The following SCN3A variants were observed in gnomAD, a reference collection of about 807,000 sequenced individuals.
SCN3A encodes the protein sodium voltage-gated channel alpha subunit 3, also known as sodium channel protein type 3 subunit alpha.
SCN3A carries 60 observed loss-of-function variants against 187.6 expected under a neutral mutation model. The observed-to-expected ratio is 0.32, with a 90% CI of 0.26 to 0.40. SCN3A has a LOEUF of 0.40. SCN3A is among the 10% of genes least tolerant of loss of function. The pLI is 1.00. For synonymous variants in SCN3A, 788 were observed against 829.2 expected (o/e 0.95, Z 0.85); for missense variants, 1,601 against 2,428.2 (o/e 0.66, Z 7.16).
intron 12 of SCN3A, among the ~76,000 whole-genome samples, chr2:165,146,475 ATATATAT>A (rs1288212076): frequency 6.8e-6 from 1 of 148,134 alleles, no homozygotes; most frequent in African/African-American, 2.5e-5. Flanking sequence ...GGTTATATCA[ATATATAT>A]TATATATATC....
intron 21 of SCN3A, among the ~76,000 whole-genome samples, chr2:165,103,930 C>T (rs962037116): frequency 2.6e-5 from 4 of 152,000 alleles, no homozygotes; most frequent in Admixed American, 2.0e-4. Flanking sequence ...CCATCAACAA[C>T]ATTATTATTT....
chr2:165,159,791 C>T (rs1689250707), intron 9 of SCN3A, among the ~76,000 whole-genome samples: 1 of 133,532 alleles, frequency 7.5e-6, no homozygotes, highest in African/African-American at 3.1e-5. Context: ...TAATAAAATA[C>T]AAATCATTTA....
intron 25 of SCN3A, 89 bp from the exon 26 acceptor site, chr2:165,094,567 T>G (rs1452831926): frequency 1.2e-6 from 1 of 860,718 alleles, no homozygotes; most frequent in Non-Finnish European, 1.9e-6. Flanking sequence ...TCTTTTCTAA[T>G]TTTTAAGTGG....
intron 1 of SCN3A, among the ~76,000 whole-genome samples, chr2:165,191,898 T>C (rs1436765601): frequency 6.6e-6 from 1 of 152,138 alleles, no homozygotes; most frequent in Non-Finnish European, 1.5e-5. Flanking sequence ...CAATGAATTA[T>C]TTAATTTTGG....
intron 5 of SCN3A, among the ~76,000 whole-genome samples, chr2:165,167,326 G>A (rs1399617378): frequency 6.6e-6 from 1 of 151,910 alleles, no homozygotes; most frequent in African/African-American, 2.4e-5. Flanking sequence ...ATGGGAGCTG[G>A]ATTCTCTATT....
chr2:165,124,795 C>T (rs1158059173), intron 18 of SCN3A, among the ~76,000 whole-genome samples: 2 of 152,140 alleles, frequency 1.3e-5, no homozygotes, highest in Non-Finnish European at 2.9e-5. Flanking sequence ...ATTCTCATTA[C>T]TTATTGCCCT....
At chr2:165,161,561 TTTAAAGGA>T (rs1378983489) in intron 9 of SCN3A, among the ~76,000 whole-genome samples, 2 of 152,212 alleles carry the variant, frequency 1.3e-5, no homozygotes, top group Non-Finnish European at 2.9e-5. Flanking sequence ...AGTTTCCCTT[TTTAAAGGA>T]TGACTCAAAA....
intron 11 of SCN3A, among the ~76,000 whole-genome samples, chr2:165,150,454 G>A (rs1688626261): frequency 6.6e-6 from 1 of 152,156 alleles, no homozygotes; most frequent in South Asian, 2.1e-4. Flanking sequence ...TACTTGTGTT[G>A]TCAATAAGGA....
At chr2:165,106,798 A>G (rs1407368355) in intron 21 of SCN3A, among the ~76,000 whole-genome samples, 1 of 152,184 alleles carries the variant, frequency 6.6e-6, no homozygotes, top group Non-Finnish European at 1.5e-5. Flanking sequence ...GGAGGCCTTT[A>G]AGAAGAAAAA....
chr2:165,181,003 G>A (rs912976885), intron 2 of SCN3A, among the ~76,000 whole-genome samples: 7 of 152,020 alleles, frequency 4.6e-5, no homozygotes. Context: ...CTAATAATAA[G>A]CACTTGTATG....
intron 15 of SCN3A, among the ~76,000 whole-genome samples, chr2:165,136,349 C>A (rs79859282): frequency 0.063 from 9,564 of 152,104 alleles, 463 homozygotes; most frequent in Non-Finnish European, 0.095. Context: ...AAATATTTTC[C>A]ATCATTATTT....
intron 2 of SCN3A, among the ~76,000 whole-genome samples, chr2:165,184,607 T>C (rs1013937650): frequency 1.3e-5 from 2 of 151,936 alleles, no homozygotes; most frequent in South Asian, 2.1e-4. Flanking sequence ...GAGGTTACTA[T>C]GTATAAAGCC....
Position 165,090,624 on chromosome 2 carries a change from A to G in SCN3A, c.5529T>C (p.Ser1843=). ...QLIAMDLPMV[S]GDRIHCLDIL... ...TATCAAGACAGTGGATCCGGTCACCACTGACCATGGGCAGATCCATGGCAA... is the reference window on the plus strand; with the variant it reads ...TATCAAGACAGTGGATCCGGTCACCGCTGACCATGGGCAGATCCATGGCAA... The change falls in exon 28 of 28, where the codon AGT becomes AGC. Residue 1843 remains serine (S), a synonymous_variant. Transcript: ENST00000283254. The surrounding 1 kb of genome is among the most constrained non-coding windows in gnomAD (Gnocchi z 4.0). 2 of 1,614,092 alleles carry G rather than the reference A, an allele frequency of 1.2e-6. No homozygotes were observed. Among genetic ancestry groups the G allele is most frequent in the Non-Finnish European group, 1.7e-6 (2 of 1,180,006 alleles).
intron 21 of SCN3A, 25 bp from the exon 22 acceptor site, chr2:165,100,449 T>C (rs1229742460): frequency 6.2e-7 from 1 of 1,609,078 alleles, no homozygotes; most frequent in African/African-American, 1.3e-5. Flanking sequence ...AAAAATTAAT[T>C]AGTTCACCAA....
At position 165,092,644 on chromosome 2, in the gene SCN3A, C is replaced by T. The variant is rs1178709058; in HGVS notation, c.4537-120G>A. 1.1e-6 allele frequency: 1 copy of T among 900,822 alleles called. No homozygotes were observed. Among genetic ancestry groups the T allele is most frequent in the Non-Finnish European group, 1.7e-6 (1 of 591,354 alleles). The allele number at this position is 900,822 out of a possible 1,614,324, so 55.8% of individuals were successfully genotyped here. On this transcript the variant is annotated intron_variant, in intron 26 of 27. Coordinates refer to ENST00000283254, the MANE Select transcript of SCN3A (RefSeq NM_006922.4). This position sits in a 1 kb window ranked among gnomAD's most constrained non-coding sequence, Gnocchi z 4.2. Reference sequence around the variant, plus strand: ...GGATGTGCACCCTCCTCATATTACCCCAAACAATTTTGTGTGCTTTTTTTC... The same window carrying T: ...GGATGTGCACCCTCCTCATATTACCTCAAACAATTTTGTGTGCTTTTTTTC...
chr2:165,196,655 A>G (rs1691985315), intron 1 of SCN3A, among the ~76,000 whole-genome samples: 1 of 152,128 alleles, frequency 6.6e-6, no homozygotes, highest in South Asian at 2.1e-4. Flanking sequence ...TAAGAAATGC[A>G]ATTAATTATT....
intron 15 of SCN3A, among the ~76,000 whole-genome samples, chr2:165,134,823 A>G (rs1687568515): frequency 6.6e-6 from 1 of 152,046 alleles, no homozygotes; most frequent in Non-Finnish European, 1.5e-5. Context: ...AAGGTGAGCT[A>G]GAACCATCCA....
At chr2:165,197,854 A>G (rs1692063918) in intron 1 of SCN3A, among the ~76,000 whole-genome samples, 1 of 151,992 alleles carries the variant, frequency 6.6e-6, no homozygotes, top group African/African-American at 2.4e-5. Flanking sequence ...TAAATATAAA[A>G]AGATCAATAG....
At chr2:165,185,034 T>C (rs1399410773) in intron 2 of SCN3A, among the ~76,000 whole-genome samples, 1 of 152,012 alleles carries the variant, frequency 6.6e-6, no homozygotes, top group Non-Finnish European at 1.5e-5. Flanking sequence ...TCTGTTTTTC[T>C]GTACCTGGAC....
Sources: allele counts gnomAD v4.1 joint callset (sites outside exome capture counted in the v4.1 genomes callset), GRCh38; gene constraint gnomAD v4.1.1; non-coding constraint Gnocchi (gnomAD v3.1); transcripts MANE v1.5; gene names NCBI Gene and HGNC (gene_info 2026-07-23, HGNC 2026-07-21).